Variants in ABCA13 observed in about 807,000 individuals in gnomAD.
The protein encoded by ABCA13 is ATP binding cassette subfamily A member 13.
ABCA13 carries 476 observed loss-of-function variants against 478.7 expected under a neutral mutation model. The observed-to-expected ratio is 0.99, with a 90% CI of 0.92 to 1.07. The LOEUF is 1.07. ABCA13 is among the 50% of genes least tolerant of loss of function. The pLI is 0.00. For synonymous variants in ABCA13, 2,252 were observed against 2,158.9 expected (o/e 1.04, Z -1.20); for missense variants, 6,060 against 5,910.6 (o/e 1.03, Z -0.83).
intron 10 of ABCA13, among the ~76,000 whole-genome samples, chr7:48,242,027 T>C (rs1214717432): frequency 6.6e-6 from 1 of 152,154 alleles, no homozygotes; most frequent in East Asian, 1.9e-4. Context: ...CTTGAAGTAG[T>C]GTTCTAGGCA....
intron 51 of ABCA13, among the ~76,000 whole-genome samples, chr7:48,516,263 A>G (rs1172786164): frequency 6.6e-6 from 1 of 152,192 alleles, no homozygotes; most frequent in African/African-American, 2.4e-5. Context: ...TAAACAATTC[A>G]TCAGTTTTAA....
chr7:48,262,188 C>G (rs1438390101), intron 15 of ABCA13, among the ~76,000 whole-genome samples: 1 of 151,972 alleles, frequency 6.6e-6, no homozygotes, highest in Non-Finnish European at 1.5e-5. Context: ...GTTGTTACAT[C>G]CATACCATCA....
intron 43 of ABCA13, 24 bp downstream of exon 43, chr7:48,455,310 T>C: frequency 6.3e-7 from 1 of 1,579,752 alleles, no homozygotes; most frequent in Non-Finnish European, 8.6e-7. Flanking sequence ...GTTCCTTTGA[T>C]TTCGAAATTA....
intron 59 of ABCA13, among the ~76,000 whole-genome samples, chr7:48,628,346 C>T (rs1793858163): frequency 6.6e-6 from 1 of 152,198 alleles, no homozygotes; most frequent in Admixed American, 6.6e-5. Context: ...TATGAATTTG[C>T]AAGGAGGGAC....
chr7:48,376,171 C>T (rs547182352), intron 34 of ABCA13, among the ~76,000 whole-genome samples: 1 of 152,112 alleles, frequency 6.6e-6, no homozygotes, highest in South Asian at 2.1e-4. Context: ...GTAAATAAAA[C>T]CAGATATGAG....
chr7:48,218,840 C>G (rs1048462398), intron 3 of ABCA13, among the ~76,000 whole-genome samples: 3 of 152,172 alleles, frequency 2.0e-5, no homozygotes, highest in Non-Finnish European at 4.4e-5. Context: ...TACTGTAACT[C>G]TTTGTGATGT....
At chr7:48,602,137 A>G (rs1790958598) in intron 58 of ABCA13, among the ~76,000 whole-genome samples, 1 of 152,096 alleles carries the variant, frequency 6.6e-6, no homozygotes, top group Non-Finnish European at 1.5e-5. Context: ...TTTGTCAGAT[A>G]GAAAGATTGC....
chr7:48,221,240 T>G, intron 4 of ABCA13, 41 bp from the exon 5 acceptor site: 1 of 1,030,496 alleles, frequency 9.7e-7, no homozygotes, highest in Non-Finnish European at 1.4e-6. Flanking sequence ...GCTTTTTCAT[T>G]GATGATTGAA....
intron 58 of ABCA13, 88 bp downstream of exon 58, chr7:48,594,901 C>A: frequency 9.7e-7 from 1 of 1,035,672 alleles, no homozygotes; most frequent in Non-Finnish European, 1.5e-6. Context: ...CACAGTGTTA[C>A]ACATGGACAT....
At chr7:48,198,099 C>T (rs1395834997) in intron 2 of ABCA13, 138 bp from the exon 3 acceptor site, 8 of 864,856 alleles carry the variant, frequency 9.3e-6, no homozygotes, top group Non-Finnish European at 1.1e-5. Flanking sequence ...TTTGTCTGAG[C>T]CCTTAGATCT....
chr7:48,400,393 C>T (rs1817440048), intron 38 of ABCA13, among the ~76,000 whole-genome samples: 1 of 152,170 alleles, frequency 6.6e-6, no homozygotes, highest in South Asian at 2.1e-4. Flanking sequence ...ATAATTGGGT[C>T]ATAATAGGAG....
rs569658068 is a variant in ABCA13, at chr7:48,449,130, A to T, written c.12566-5907A>T. On this transcript the variant is annotated intron_variant, in intron 42 of 61. Coordinates refer to ENST00000435803, the MANE Select transcript of ABCA13 (RefSeq NM_152701.5). ...AGTGCTGGGATTACAGGCATGAGCC[A>T]CTGTGTCCGGCTCCTAGCTGTCTGT... Among the ~76,000 whole-genome samples, 37 of 152,338 alleles carry T rather than the reference A, an allele frequency of 2.4e-4. No homozygotes were observed. In the East Asian group the frequency reaches 6.2e-3, roughly 25 times the overall value.
chr7:48,564,509 G>T (rs55935610), intron 55 of ABCA13, among the ~76,000 whole-genome samples: 20,941 of 151,490 alleles, frequency 0.14, 1,796 homozygotes, highest in African/African-American at 0.23. Flanking sequence ...ATAGGAATTT[G>T]TTTTTAATAT....
At chr7:48,263,511 C>G (rs150414982) in intron 15 of ABCA13, among the ~76,000 whole-genome samples, 2 of 151,794 alleles carry the variant, frequency 1.3e-5, no homozygotes, top group East Asian at 3.9e-4. Context: ...TTACTTTTAC[C>G]CTTGGTAAAA....
chr7:48,461,713 C>G (rs1585423530), intron 43 of ABCA13, among the ~76,000 whole-genome samples: 1 of 152,088 alleles, frequency 6.6e-6, no homozygotes, highest in East Asian at 1.9e-4. Flanking sequence ...GTAGTCGTAC[C>G]TCTTAGTGGG....
At chr7:48,516,698 A>G (rs1367140407) in intron 51 of ABCA13, 27 bp from the exon 52 acceptor site, 1 of 1,609,534 alleles carries the variant, frequency 6.2e-7, no homozygotes, top group Non-Finnish European at 8.5e-7. Flanking sequence ...CAGTAAAACA[A>G]ACATTACTTT....
chr7:48,613,832 A>G (rs1792269654), intron 58 of ABCA13, among the ~76,000 whole-genome samples: 1 of 148,392 alleles, frequency 6.7e-6, no homozygotes, highest in South Asian at 2.1e-4. Flanking sequence ...TAGATTTACT[A>G]TATCTGTATT....
chr7:48,384,398 G>A (rs1585099363), intron 35 of ABCA13, among the ~76,000 whole-genome samples: 1 of 152,366 alleles, frequency 6.6e-6, no homozygotes. Flanking sequence ...ACAGGCAGGA[G>A]CTGCTAGAGG....
chr7:48,274,163 A>G lies in ABCA13; in HGVS notation c.4497A>G (p.Gln1499=). The change falls in exon 17 of 62, where the codon CAA becomes CAG. Residue 1499 remains glutamine, a synonymous_variant. Transcript: ENST00000435803. ...LLALLNDSTK[Q]VRMSINNLTT... Reference sequence around the variant, plus strand: ...CTCTTTTAAATGATTCCACAAAGCAAGTAAGGATGAGTATCAACAACTTAA... The same window carrying G: ...CTCTTTTAAATGATTCCACAAAGCAGGTAAGGATGAGTATCAACAACTTAA... The G allele has an allele frequency of 6.2e-7, 1 of 1,610,528 alleles. No homozygotes were observed. Among genetic ancestry groups the G allele is most frequent in the Non-Finnish European group, 8.5e-7 (1 of 1,177,872 alleles).
Sources: gnomAD v4.1 joint callset for allele counts (sites outside exome capture counted in the v4.1 genomes callset) on GRCh38, gnomAD v4.1.1 for gene constraint, MANE v1.5 for transcripts, NCBI Gene and HGNC (gene_info 2026-07-23, HGNC 2026-07-21) for gene names.